FNBP1: variants seen among roughly 807,000 people sequenced by gnomAD.
FNBP1 encodes the protein formin binding protein 1, also known as formin-binding protein 1.
In FNBP1, 26 loss-of-function variants were observed where a neutral mutation model predicts 90.6. The observed-to-expected ratio is 0.29, with a 90% confidence interval of 0.21 to 0.40. FNBP1 has a LOEUF of 0.40. Ranked by LOEUF, FNBP1 falls within the 10% of genes least tolerant of loss-of-function variation. FNBP1 has a pLI of 1.00. For missense variants in FNBP1, 635 were observed against 768.0 expected, an observed-to-expected ratio of 0.83 and a Z score of 2.05; for synonymous variants, 260 against 265.2, an observed-to-expected ratio of 0.98 and a Z score of 0.19.
intron 11 of FNBP1, among the ~76,000 whole-genome samples, chr9:129,911,124 C>T (rs757810606): frequency 6.6e-6 from 1 of 152,152 alleles, no homozygotes; most frequent in African/African-American, 2.4e-5. Context: ...GGCCTCCCAA[C>T]GTCCTGGGAT....
rs553963236 is a variant in FNBP1 at position 129,907,925 on chromosome 9, C to T, written c.1295+965G>A. Reference sequence around the variant, plus strand: ...TGTAATTTTAGTAGAGACAGGGTTTCACCGTGTTAGCCAGGATGGTCTCGA... The same window carrying T: ...TGTAATTTTAGTAGAGACAGGGTTTTACCGTGTTAGCCAGGATGGTCTCGA... On this transcript the variant is annotated intron_variant, in intron 12 of 16. Coordinates refer to ENST00000446176, the MANE Select transcript of FNBP1 (RefSeq NM_015033.3). 2.0e-4 allele frequency among the ~76,000 whole-genome samples: 31 copies of T among 152,080 alleles called. No individual in the cohort carries two copies. In the South Asian group the frequency reaches 6.0e-3, roughly 30 times the overall value.
chr9:130,033,887 G>A (rs1274281472), intron 1 of FNBP1, among the ~76,000 whole-genome samples: 10 of 151,032 alleles, frequency 6.6e-5, no homozygotes, highest in Non-Finnish European at 1.3e-4. Flanking sequence ...ATGGTGGCGG[G>A]TGCCTGTAGT....
At chr9:130,044,345 C>T (rs1278171516), upstream of FNBP1, among the ~76,000 whole-genome samples, 3 of 152,172 alleles carry the variant, frequency 2.0e-5, no homozygotes, top group Non-Finnish European at 2.9e-5. Flanking sequence ...GGAGCTAACC[C>T]GGGTCTGGTG....
rs547410660 is a variant in FNBP1, at chr9:129,953,545, T to C, written c.513+3815A>G. Reference sequence around the variant, plus strand: ...AATATCTGTAACAAAAGTTGAAATATGTCATACATTTGGAAATTTAAAACC... The same window carrying C: ...AATATCTGTAACAAAAGTTGAAATACGTCATACATTTGGAAATTTAAAACC... On this transcript the variant is annotated intron_variant, in intron 6 of 16. Transcript: ENST00000446176. Among the ~76,000 whole-genome samples, 7 of 152,114 alleles carry C rather than the reference T, an allele frequency of 4.6e-5. No individual in the cohort carries two copies. The South Asian group carries it at 1.5e-3, about 32-fold the overall frequency.
the FNBP1 span, among the ~76,000 whole-genome samples, chr9:130,050,333 TG>T: frequency 5.3e-5 from 8 of 152,302 alleles, no homozygotes; most frequent in East Asian, 1.2e-3. Flanking sequence ...GCCTGTCCTG[TG>T]GCTGAGCAAG....
At chr9:130,048,787 CT>C in the FNBP1 span, among the ~76,000 whole-genome samples, 136,954 of 143,800 alleles carry the variant, frequency 0.95, 65,396 homozygotes, top group East Asian at 1. Flanking sequence ...CCAGTTTCCT[CT>C]TTTTTTTTTG....
chr9:129,920,879 A>AT (rs2040984050), intron 10 of FNBP1, among the ~76,000 whole-genome samples: 1 of 152,214 alleles, frequency 6.6e-6, no homozygotes. Context: ...AGTTCATATG[A>AT]AACTTTCAGT....
At chr9:129,989,585 G>A (rs1251467391) in intron 2 of FNBP1, among the ~76,000 whole-genome samples, 2 of 152,176 alleles carry the variant, frequency 1.3e-5, no homozygotes, top group Non-Finnish European at 2.9e-5. Context: ...TTGCATTCTA[G>A]CTGAGAGGCT....
chr9:129,967,508 C>T (rs898055750), intron 4 of FNBP1, among the ~76,000 whole-genome samples: 4 of 151,814 alleles, frequency 2.6e-5, no homozygotes, highest in African/African-American at 4.8e-5. Flanking sequence ...AGTGAGACTC[C>T]GTCTCAGAAA....
At position 129,903,015 on chromosome 9, in the gene FNBP1, C is replaced by T. The variant is rs34411379; in HGVS notation, c.1296-14G>A. The T allele has an allele frequency of 9.0e-6, 14 of 1,559,416 alleles. No individual in the cohort carries two copies. The highest frequency in any genetic ancestry group is 4.7e-5 in the East Asian group (2 of 42,116). On this transcript the variant is annotated splice_polypyrimidine_tract_variant and intron_variant, in intron 12 of 16. Transcript: ENST00000446176. ...GTTATGGCATCTCTGAAAGAAAGAA[C>T]GAGTAGAATGCTGTAAAGGTTACTC...
chr9:129,957,930 A>G lies in FNBP1; in HGVS notation c.409-466T>C, dbSNP rs775276393. Among the ~76,000 whole-genome samples the G allele has an allele frequency of 1.3e-5, 2 of 152,188 alleles. No individual in the cohort carries two copies. Among genetic ancestry groups the G allele is most frequent in the Non-Finnish European group, 2.9e-5 (2 of 68,034 alleles). On this transcript the variant is annotated intron_variant, in intron 5 of 16. Coordinates refer to ENST00000446176, the MANE Select transcript of FNBP1 (RefSeq NM_015033.3). This position sits in a 1 kb window ranked among gnomAD's most constrained non-coding sequence, Gnocchi z 4.3. ...TATTTTAAAATCTGCATTTATTTCCATCAAAACTGTCTAATCTTTATTATT... is the reference window on the plus strand; with the variant it reads ...TATTTTAAAATCTGCATTTATTTCCGTCAAAACTGTCTAATCTTTATTATT...
At chr9:129,895,329 T>G (rs2035539065) in intron 16 of FNBP1, 1 of 1,060,356 alleles carries the variant, frequency 9.4e-7, no homozygotes, top group African/African-American at 1.6e-5. Context: ...CACTTGTGAC[T>G]TCCTCCCAAG....
In FNBP1 at chr9:130,043,092, C is replaced by G; in HGVS notation, c.-117G>C. ...GACGGCGGAAAGCCCGGAGTCCGCG[C>G]GGCCTCCTCCGGCTCGCAGCTCCTC... On this transcript the variant is annotated 5_prime_UTR_variant, in exon 1 of 17. Transcript: ENST00000446176. 1 of 905,662 alleles carries G rather than the reference C, an allele frequency of 1.1e-6. No individual in the cohort carries two copies. The allele number at this position is 905,662 out of a possible 1,614,324, so 56.1% of individuals were successfully genotyped here.
chr9:130,017,618 T>C (rs1761366637), intron 1 of FNBP1, among the ~76,000 whole-genome samples: 1 of 151,906 alleles, frequency 6.6e-6, no homozygotes, highest in African/African-American at 2.4e-5. Flanking sequence ...TCACTTGAGG[T>C]TGGGAGTTCA....
intron 12 of FNBP1, among the ~76,000 whole-genome samples, chr9:129,906,586 A>C (rs1043432898): frequency 6.6e-6 from 1 of 152,162 alleles, no homozygotes; most frequent in Non-Finnish European, 1.5e-5. Flanking sequence ...TTCCGCCATG[A>C]TTGTGAGGCC....
At chr9:130,034,887 C>G (rs1439436746) in intron 1 of FNBP1, among the ~76,000 whole-genome samples, 1 of 152,174 alleles carries the variant, frequency 6.6e-6, no homozygotes, top group Non-Finnish European at 1.5e-5. Flanking sequence ...TGGCTAATGC[C>G]TGTAATCCCA....
intron 1 of FNBP1, among the ~76,000 whole-genome samples, chr9:130,021,878 C>G (rs765236751): frequency 3.3e-5 from 5 of 152,132 alleles, no homozygotes; most frequent in Non-Finnish European, 7.4e-5. Context: ...TTGTTTTTTC[C>G]TGAAACAAGG....
chr9:130,005,840 T>C (rs1460397746), intron 1 of FNBP1, among the ~76,000 whole-genome samples: 1 of 152,230 alleles, frequency 6.6e-6, no homozygotes, highest in Non-Finnish European at 1.5e-5. Flanking sequence ...AATAGAAGGT[T>C]TATTTCAAGG....
intron 4 of FNBP1, among the ~76,000 whole-genome samples, chr9:129,968,587 G>A (rs902237460): frequency 2.6e-5 from 4 of 152,054 alleles, no homozygotes; most frequent in African/African-American, 9.7e-5. Flanking sequence ...AGGAAATTAA[G>A]CCCCTTCATA....
Sources: allele counts gnomAD v4.1 joint callset (sites outside exome capture counted in the v4.1 genomes callset), GRCh38; gene constraint gnomAD v4.1.1; non-coding constraint Gnocchi (gnomAD v3.1); transcripts MANE v1.5; gene names NCBI Gene and HGNC (gene_info 2026-07-23, HGNC 2026-07-21).